The following GRM5 variants were observed in gnomAD, a reference collection of about 807,000 sequenced individuals.
The protein encoded by GRM5 is metabotropic glutamate receptor 5.
In GRM5, 19 loss-of-function variants were observed where a neutral mutation model predicts 83.1. The observed-to-expected ratio is 0.23, with a 90% CI of 0.16 to 0.34. GRM5 has a LOEUF of 0.34. GRM5 is among the 10% of genes least tolerant of loss of function. GRM5 has a pLI of 1.00. For missense variants in GRM5, 1,160 were observed against 1,588.3 expected, an observed-to-expected ratio of 0.73 and a Z score of 4.58; for synonymous variants, 675 against 633.6, an observed-to-expected ratio of 1.07 and a Z score of -0.98.
chr11:88,842,856 C>T (rs1454178226), intron 3 of GRM5, among the ~76,000 whole-genome samples: 2 of 152,164 alleles, frequency 1.3e-5, no homozygotes, highest in Non-Finnish European at 2.9e-5. Context: ...TACATATTCT[C>T]CTACCTAGTA....
chr11:88,638,756 T>C (rs1456857220), intron 4 of GRM5, among the ~76,000 whole-genome samples: 1 of 152,170 alleles, frequency 6.6e-6, no homozygotes, highest in Non-Finnish European at 1.5e-5. Flanking sequence ...CTAAATTAAG[T>C]CATAAAGTTG....
At chr11:89,050,452 A>T (rs536037952) in intron 1 of GRM5, among the ~76,000 whole-genome samples, 1 of 151,244 alleles carries the variant, frequency 6.6e-6, no homozygotes, top group South Asian at 2.1e-4. Flanking sequence ...TGTATTCTAA[A>T]GGGTAACTTT....
intron 7 of GRM5, among the ~76,000 whole-genome samples, chr11:88,576,243 G>A (rs1943107673): frequency 6.6e-6 from 1 of 152,090 alleles, no homozygotes; most frequent in Non-Finnish European, 1.5e-5. Context: ...TGATGAGTAT[G>A]ACTTTTCTGA....
At chr11:88,615,876 C>T (rs1231066977) in intron 4 of GRM5, among the ~76,000 whole-genome samples, 2 of 152,050 alleles carry the variant, frequency 1.3e-5, no homozygotes, top group East Asian at 3.9e-4. Context: ...CTCCATAACT[C>T]CACACATGGC....
intron 2 of GRM5, among the ~76,000 whole-genome samples, chr11:88,901,599 G>C (rs1286357995): frequency 1.3e-5 from 2 of 152,110 alleles, no homozygotes; most frequent in Non-Finnish European, 2.9e-5. Context: ...CTTCATGTTT[G>C]TGCATTATGG....
chr11:88,580,278 A>G (rs1334650962), intron 7 of GRM5, among the ~76,000 whole-genome samples: 3 of 152,188 alleles, frequency 2.0e-5, no homozygotes, highest in African/African-American at 4.8e-5. Flanking sequence ...GATCTGGACA[A>G]GATACTTTAC....
At chr11:88,877,658 A>G (rs539044889) in intron 2 of GRM5, among the ~76,000 whole-genome samples, 5 of 151,530 alleles carry the variant, frequency 3.3e-5, no homozygotes, top group African/African-American at 1.2e-4. Context: ...CTGTTTCTAC[A>G]AAAAAAATAT....
At chr11:88,689,048 G>A (rs976095643) in intron 3 of GRM5, among the ~76,000 whole-genome samples, 2 of 152,026 alleles carry the variant, frequency 1.3e-5, no homozygotes, top group African/African-American at 4.8e-5. Context: ...ACAGAATCTA[G>A]TACAGTACCT....
At chr11:88,783,696 C>A (rs1234248272) in intron 3 of GRM5, among the ~76,000 whole-genome samples, 1 of 151,996 alleles carries the variant, frequency 6.6e-6, no homozygotes, top group Non-Finnish European at 1.5e-5. Context: ...GCTAGAACAT[C>A]CATGTGACTG....
intron 4 of GRM5, among the ~76,000 whole-genome samples, chr11:88,623,695 A>C (rs1938707942): frequency 6.6e-6 from 1 of 152,228 alleles, no homozygotes; most frequent in Non-Finnish European, 1.5e-5. Flanking sequence ...AGCTAAGTAC[A>C]GCAAAAGAAT....
rs1418143777 is a variant in GRM5 at position 88,505,666 on chromosome 11, G to A, written c.*2926C>T. Reference sequence around the variant, plus strand: ...CTTTCCCAAAATGGAAGGATGAGTGGACTGCTTAGATTAGTCAGTATAACT... The same window carrying A: ...CTTTCCCAAAATGGAAGGATGAGTGAACTGCTTAGATTAGTCAGTATAACT... On this transcript the variant is annotated 3_prime_UTR_variant, in exon 10 of 10. Coordinates refer to ENST00000305447, the MANE Select transcript of GRM5 (RefSeq NM_001143831.3). The A allele has an allele frequency of 6.6e-6, 1 of 152,172 alleles. No homozygotes were observed. Among genetic ancestry groups the A allele is most frequent in the African/African-American group, 2.4e-5 (1 of 41,442 alleles). The allele number at this position is 152,172 out of a possible 1,614,324, so 9.4% of individuals were successfully genotyped here. A position where few individuals can be genotyped will look rare whatever the true frequency, so the allele number is the denominator to read the frequency against.
intron 4 of GRM5, among the ~76,000 whole-genome samples, chr11:88,637,860 G>A (rs1939179739): frequency 6.7e-6 from 1 of 149,630 alleles, no homozygotes; most frequent in East Asian, 2.0e-4. Context: ...GCACATGTAT[G>A]TTTATTGCGG....
chr11:88,703,323 G>C (rs963506273), intron 3 of GRM5, among the ~76,000 whole-genome samples: 1 of 151,994 alleles, frequency 6.6e-6, no homozygotes, highest in Non-Finnish European at 1.5e-5. Flanking sequence ...ATACTCTAAA[G>C]AATAATAATT....
intron 3 of GRM5, among the ~76,000 whole-genome samples, chr11:88,702,023 T>C (rs1941047442): frequency 6.6e-6 from 1 of 152,072 alleles, no homozygotes; most frequent in African/African-American, 2.4e-5. Context: ...AAGGAAGGGA[T>C]AAAATGAGTC....
At chr11:88,513,777 G>A (rs1379406578) in intron 9 of GRM5, among the ~76,000 whole-genome samples, 1 of 152,070 alleles carries the variant, frequency 6.6e-6, no homozygotes, top group African/African-American at 2.4e-5. Flanking sequence ...AACCTCCCTT[G>A]CCCACCTTGC....
chr11:88,639,838 G>C (rs35057541), intron 4 of GRM5, among the ~76,000 whole-genome samples: 20,034 of 152,114 alleles, frequency 0.13, 1,622 homozygotes, highest in Middle Eastern at 0.19. Context: ...TCAAATTCTA[G>C]TGCCTTAGGA....
At chr11:88,537,294 A>G (rs1942158401) in intron 8 of GRM5, among the ~76,000 whole-genome samples, 1 of 152,118 alleles carries the variant, frequency 6.6e-6, no homozygotes, top group African/African-American at 2.4e-5. Context: ...CCTTGTTAAC[A>G]TGCAAACAGA....
intron 3 of GRM5, among the ~76,000 whole-genome samples, chr11:88,769,953 T>C (rs1430202685): frequency 6.6e-6 from 1 of 152,026 alleles, no homozygotes; most frequent in Non-Finnish European, 1.5e-5. Context: ...CAGAGTAACC[T>C]GGCACACACT....
chr11:88,655,698 T>G (rs1939750028), intron 3 of GRM5, among the ~76,000 whole-genome samples: 1 of 151,816 alleles, frequency 6.6e-6, no homozygotes, highest in Non-Finnish European at 1.5e-5. Flanking sequence ...GGTATATATC[T>G]TTTCTGTAAG....
Sources: gnomAD v4.1 joint callset for allele counts (sites outside exome capture counted in the v4.1 genomes callset) on GRCh38, gnomAD v4.1.1 for gene constraint, MANE v1.5 for transcripts, NCBI Gene and HGNC (gene_info 2026-07-23, HGNC 2026-07-21) for gene names.